Variants in ATM observed in about 807,000 individuals in gnomAD.
ATM encodes the protein ATM serine/threonine kinase.
Under a neutral mutation model 387.0 loss-of-function variants are expected in ATM, and 308 were observed. That is an observed-to-expected ratio of 0.80 (90% CI 0.73 to 0.87). The LOEUF is 0.87. ATM is among the 40% of genes least tolerant of loss of function. ATM has a pLI of 0.00. For missense variants in ATM, 3,312 were observed against 3,560.9 expected (o/e 0.93, Z 1.78); for synonymous variants, 1,156 against 1,187.3 (o/e 0.97, Z 0.54).
In ATM at chr11:108,247,118, CTG is replaced by C. The variant is rs1555068609; in HGVS notation, c.1058_1059del (p.Cys353SerfsTer5). On this transcript the variant is annotated frameshift_variant, in exon 8 of 63. Transcript: ENST00000675843. LOFTEE classifies it high-confidence loss of function. ...ENLIELMADI[C>X]HQVFNEDTRS... ...ATTTGATTGAATTGATGGCAGATAT[CTG>C]TCACCAGGTACAGTAAGTAGGTCAT... 1 of 1,613,656 alleles carries C rather than the reference CTG, an allele frequency of 6.2e-7. No homozygotes were observed. Among genetic ancestry groups the C allele is most frequent in the South Asian group, 1.1e-5 (1 of 91,022 alleles).
intron 56 of ATM, among the ~76,000 whole-genome samples, chr11:108,342,670 A>G (rs1242423354): frequency 6.6e-6 from 1 of 152,164 alleles, no homozygotes; most frequent in Non-Finnish European, 1.5e-5. Context: ...CATTTTCTAT[A>G]CTTTATGTAT....
At chr11:108,365,017 A>G (rs2091183843) in intron 61 of ATM, 65 bp from the exon 62 acceptor site, 1 of 1,567,728 alleles carries the variant, frequency 6.4e-7, no homozygotes, top group Non-Finnish European at 8.7e-7. Flanking sequence ...TACTGGTTCT[A>G]CTGTTTCTAA....
intron 33 of ATM, 25 bp from the exon 34 acceptor site, chr11:108,299,689 A>C: frequency 6.2e-7 from 1 of 1,610,230 alleles, no homozygotes; most frequent in East Asian, 2.2e-5. Flanking sequence ...CTATGACTCT[A>C]CTGAAATAGA....
chr11:108,301,744 T>A lies in ATM; in HGVS notation c.5274T>A (p.Asp1758Glu), dbSNP rs913665369. The A allele has an allele frequency of 6.2e-7, 1 of 1,613,706 alleles. No individual in the cohort carries two copies. Among genetic ancestry groups the A allele is most frequent in the Non-Finnish European group, 8.5e-7 (1 of 1,179,764 alleles). ...GGGAGATTTATAAGATGACAACAGA[T>A]CCAATGCTGGCCTATCTACAGCCTT... is the stretch of plus-strand genomic sequence containing the variant. Reference protein sequence around the residue: ...SFWEIYKMTTDPMLAYLQPFR... With the variant: ...SFWEIYKMTTEPMLAYLQPFR... The change falls in exon 35 of 63, where the codon GAT becomes GAA. Residue 1758 changes from aspartate (D) to glutamate (E), a missense_variant. Around this residue, in one of 4 missense-constraint regions of ATM, gnomAD observed 1,405 missense variants for 1,604.4 expected, o/e 0.88. Transcript: ENST00000675843.
In ATM at chr11:108,330,413, A is replaced by T. The variant is rs780931855; in HGVS notation, c.7507A>T (p.Met2503Leu). Residue 2503 changes from methionine to leucine, a missense_variant, in exon 50 of 63, where the codon ATG becomes TTG. By Grantham distance (15) the Met-to-Leu change is conservative. This residue lies in a region of ATM where 1,405 missense variants were observed against 1,604.4 expected (regional missense o/e 0.88). Transcript: ENST00000675843. ...ENSGVSEVNG[M>L]MKRDGMKIPT... ...TTCTGGAGTTTCTGAAGTCAATGGC[A>T]TGATGAAGGCAAGTGTTACTCAGCC... 1 of 1,614,142 alleles carries T rather than the reference A, an allele frequency of 6.2e-7. No homozygotes were observed. The highest frequency in any genetic ancestry group is 1.7e-5 in the Admixed American group (1 of 60,028).
intron 43 of ATM, among the ~76,000 whole-genome samples, 190 bp downstream of exon 43, chr11:108,317,711 T>C (rs890308736): frequency 3.4e-5 from 5 of 147,070 alleles, no homozygotes; most frequent in African/African-American, 1.2e-4. Flanking sequence ...AGTGTGTATG[T>C]GTGTATATAT....
chr11:108,352,050 T>G (rs1384269835), intron 59 of ATM, among the ~76,000 whole-genome samples: 4 of 152,084 alleles, frequency 2.6e-5, no homozygotes, highest in African/African-American at 7.2e-5. Context: ...CCAAAGGCAT[T>G]AAAGGCAGAA....
chr11:108,283,823 T>C (rs1459820449), intron 25 of ATM, among the ~76,000 whole-genome samples: 1 of 152,236 alleles, frequency 6.6e-6, no homozygotes, highest in Non-Finnish European at 1.5e-5. Flanking sequence ...TATCTGCATT[T>C]GGTTGAAAAA....
At chr11:108,359,452 G>T (rs1178111776) in intron 61 of ATM, among the ~76,000 whole-genome samples, 2 of 152,070 alleles carry the variant, frequency 1.3e-5, no homozygotes, top group East Asian at 3.9e-4. Context: ...GGACCTAATA[G>T]ACATCTACAG....
intron 59 of ATM, 73 bp from the exon 60 acceptor site, chr11:108,353,693 A>C: frequency 8.0e-7 from 1 of 1,244,974 alleles, no homozygotes. Flanking sequence ...GCCTTTGTAA[A>C]GTTCACATTC....
intron 57 of ATM, among the ~76,000 whole-genome samples, 192 bp downstream of exon 57, chr11:108,343,563 T>A (rs539536591): frequency 6.6e-6 from 1 of 152,298 alleles, no homozygotes; most frequent in South Asian, 2.1e-4. Context: ...AACTACATAA[T>A]ATGTCAACCC....
intron 52 of ATM, 77 bp from the exon 53 acceptor site, chr11:108,332,683 TTC>T: frequency 6.8e-7 from 1 of 1,470,198 alleles, no homozygotes. Flanking sequence ...AATTCTGTTT[TTC>T]TCTTTGTTTT....
At chr11:108,292,358 A>G (rs191864038) in intron 29 of ATM, among the ~76,000 whole-genome samples, 3 of 152,276 alleles carry the variant, frequency 2.0e-5, no homozygotes, top group African/African-American at 4.8e-5. Flanking sequence ...ACCTTTGACT[A>G]TTTTACAGAA....
At chr11:108,327,852 G>C in intron 48 of ATM, 94 bp downstream of exon 48, 1 of 1,009,444 alleles carries the variant, frequency 9.9e-7, no homozygotes, top group Non-Finnish European at 1.5e-6. Context: ...GCAAATAAAA[G>C]TATGGTTTTA....
chr11:108,317,026 C>G (rs1038539689), intron 42 of ATM, among the ~76,000 whole-genome samples: 1 of 151,578 alleles, frequency 6.6e-6, no homozygotes, highest in African/African-American at 2.4e-5. Context: ...CTTGACCTCC[C>G]TGGCTCAAGG....
chr11:108,323,672 T>C (rs2085394615), intron 45 of ATM, among the ~76,000 whole-genome samples: 1 of 152,150 alleles, frequency 6.6e-6, no homozygotes, highest in African/African-American at 2.4e-5. Context: ...CATAAATATG[T>C]ACAACTATTA....
intron 16 of ATM, among the ~76,000 whole-genome samples, chr11:108,266,432 C>G (rs1210121960): frequency 7.0e-6 from 1 of 142,064 alleles, no homozygotes; most frequent in Non-Finnish European, 1.5e-5. Flanking sequence ...GGGAATTGAA[C>G]AATGAGATCA....
intron 1 of ATM, chr11:108,224,890 T>C (rs1258078536): frequency 1.3e-5 from 2 of 152,250 alleles, no homozygotes; most frequent in East Asian, 3.8e-4. Context: ...TGTATCTGTT[T>C]AGTTCATTAT....
Position 108,353,752 on chromosome 11 carries a change from A to ATTCTT in ATM, c.8672-12_8672-8dup. ...CTGTCAAACCTCCTAACTTCACTGTATTCTTTACTTTAGGTGTTGCTTTTG... is the reference window on the plus strand; with the variant it reads ...CTGTCAAACCTCCTAACTTCACTGTATTCTTTTCTTTACTTTAGGTGTTGCTTTTG... On this transcript the variant is annotated splice_polypyrimidine_tract_variant and intron_variant, in intron 59 of 62. Transcript: ENST00000675843. The ATTCTT allele has an allele frequency of 6.3e-7, 1 of 1,577,174 alleles. No homozygotes were observed.
Sources: gnomAD v4.1 joint callset for allele counts (sites outside exome capture counted in the v4.1 genomes callset) on GRCh38, gnomAD v4.1.1 for gene constraint, gnomAD v4.1.1 regional missense constraint, MANE v1.5 for transcripts, NCBI Gene and HGNC (gene_info 2026-07-23, HGNC 2026-07-21) for gene names.